Variants in FGD1 observed in about 807,000 individuals in gnomAD.
The protein encoded by FGD1 is FYVE, RhoGEF and PH domain-containing protein 1.
In FGD1, 12 loss-of-function variants were observed where a neutral mutation model predicts 65.0. The ratio of observed to expected loss-of-function variants is 0.18; its 90% CI spans 0.12 to 0.30. The LOEUF (loss-of-function observed/expected upper bound fraction) is 0.30. Among genes scored for constraint, FGD1 ranks in the 10% least tolerant of loss-of-function variants. FGD1 has a pLI of 1.00. For synonymous variants in FGD1, 333 were observed against 343.9 expected (o/e 0.97, Z 0.35); for missense variants, 542 against 837.6 (o/e 0.65, Z 4.36).
chrX:54,456,853 G>A (rs1002278629), intron 8 of FGD1, among the ~76,000 whole-genome samples: 9 of 110,345 alleles, frequency 8.2e-5, no homozygotes, highest in African/African-American at 3.0e-4. Flanking sequence ...GGCTGGTCTC[G>A]AACTCCTGAC....
chrX:54,469,656 A>G (rs1922837335), intron 4 of FGD1, among the ~76,000 whole-genome samples: 1 of 111,821 alleles, frequency 8.9e-6, no homozygotes, highest in African/African-American at 3.3e-5. Flanking sequence ...GCTGAGATCT[A>G]ACTCAAGTGC....
chrX:54,445,982 C>A lies in FGD1; in HGVS notation c.*127G>T. 1 of 494,211 alleles carries A rather than the reference C, an allele frequency of 2.0e-6. No individual in the cohort carries two copies. Among genetic ancestry groups the A allele is most frequent in the Non-Finnish European group, 3.4e-6 (1 of 295,124 alleles). The allele number at this position is 494,211 out of a possible 1,213,427, so 40.7% of individuals were successfully genotyped here. A position where few individuals can be genotyped will look rare whatever the true frequency, so the allele number is the denominator to read the frequency against. On this transcript the variant is annotated 3_prime_UTR_variant, in exon 18 of 18. Coordinates refer to ENST00000375135, the MANE Select transcript of FGD1 (RefSeq NM_004463.3). ...ATTAAAAAACCCAAGACCCAGCATT[C>A]GGGATTGAAAGTGCCCGTGATGGGA...
chrX:54,450,345 C>A (rs374958251), intron 12 of FGD1, 44 bp from the exon 13 acceptor site: 1 of 1,178,737 alleles, frequency 8.5e-7, no homozygotes, highest in South Asian at 1.8e-5. Context: ...GTTAGGTAGG[C>A]CCACAAAAAG....
chrX:54,488,593 C>T (rs1205515532), intron 1 of FGD1, among the ~76,000 whole-genome samples: 1 of 111,059 alleles, frequency 9.0e-6, no homozygotes, highest in Non-Finnish European at 1.9e-5. Flanking sequence ...TCAACAACAA[C>T]AACAAAACAA....
At chrX:54,457,841 G>T (rs1922539615) in intron 8 of FGD1, among the ~76,000 whole-genome samples, 1 of 109,506 alleles carries the variant, frequency 9.1e-6, no homozygotes, top group Admixed American at 9.8e-5. Context: ...AAGCTGAAAT[G>T]AGTCCCTGTA....
intron 1 of FGD1, among the ~76,000 whole-genome samples, chrX:54,492,244 G>A (rs1923426459): frequency 9.0e-6 from 1 of 111,677 alleles, no homozygotes; most frequent in Non-Finnish European, 1.9e-5. Context: ...AAAGCACTTT[G>A]AAGCAATTCA....
At position 54,489,745 on chromosome X, in the gene FGD1, T is replaced by C. The variant is rs1437608374; in HGVS notation, c.307+5381A>G. On this transcript the variant is annotated intron_variant, in intron 1 of 17. Coordinates refer to ENST00000375135, the MANE Select transcript of FGD1 (RefSeq NM_004463.3). ...TATACACTACTGGTGGGAATATAAA[T>C]TAGTTCAGCCATTGTGGAAAGCAGT... 2.7e-5 allele frequency among the ~76,000 whole-genome samples: 3 copies of C among 111,705 alleles called. No homozygotes were observed. In the East Asian group the frequency reaches 8.4e-4, roughly 31 times the overall value.
At chrX:54,460,459 T>A (rs1238097827) in intron 8 of FGD1, among the ~76,000 whole-genome samples, 1 of 86,148 alleles carries the variant, frequency 1.2e-5, no homozygotes, top group African/African-American at 4.5e-5. Context: ...AAAATAAAAA[T>A]AGGCTGGGTG....
At chrX:54,448,598 A>G (rs1042633255) in intron 16 of FGD1, among the ~76,000 whole-genome samples, 4 of 112,639 alleles carry the variant, frequency 3.6e-5, no homozygotes, top group African/African-American at 1.3e-4. Context: ...GAACAATAGC[A>G]TGGGCAGATT....
At chrX:54,492,780 T>C (rs988403788) in intron 1 of FGD1, among the ~76,000 whole-genome samples, 2 of 111,127 alleles carry the variant, frequency 1.8e-5, no homozygotes, top group East Asian at 5.6e-4. Context: ...AGACTCCTCA[T>C]TGCATTCTCT....
intron 8 of FGD1, among the ~76,000 whole-genome samples, chrX:54,464,004 C>T (rs188540921): frequency 4.5e-5 from 5 of 111,026 alleles, no homozygotes; most frequent in African/African-American, 1.6e-4. Flanking sequence ...CTCTGTCACC[C>T]AGGCTGGAGT....
At chrX:54,490,227 C>G (rs928529653) in intron 1 of FGD1, among the ~76,000 whole-genome samples, 1 of 111,273 alleles carries the variant, frequency 9.0e-6, no homozygotes, top group African/African-American at 3.3e-5. Context: ...AACTACCTAT[C>G]GGGTACTATG....
intron 1 of FGD1, 63 bp downstream of exon 1, chrX:54,495,063 G>A: frequency 1.8e-6 from 2 of 1,117,194 alleles, no homozygotes; most frequent in East Asian, 3.3e-5. Context: ...TCGAGAACAA[G>A]AACCCGCTCC....
intron 1 of FGD1, among the ~76,000 whole-genome samples, chrX:54,492,069 A>C (rs1923424267): frequency 9.0e-6 from 1 of 110,785 alleles, no homozygotes; most frequent in Non-Finnish European, 1.9e-5. Flanking sequence ...ATCTCTGCAA[A>C]CCCCTGCAAG....
chrX:54,482,051 T>C (rs1190914068), intron 1 of FGD1, among the ~76,000 whole-genome samples: 1 of 110,417 alleles, frequency 9.1e-6, no homozygotes, highest in African/African-American at 3.3e-5. Flanking sequence ...AACTCCCACA[T>C]ACTTAGGGCC....
intron 13 of FGD1, 53 bp downstream of exon 13, chrX:54,450,218 A>C: frequency 2.9e-5 from 32 of 1,118,918 alleles, no homozygotes; most frequent in Non-Finnish European, 3.7e-5. Context: ...ATCAACCCCT[A>C]GGAGACCTGT....
At chrX:54,488,026 G>A (rs1298261879) in intron 1 of FGD1, among the ~76,000 whole-genome samples, 14 of 108,099 alleles carry the variant, frequency 1.3e-4, no homozygotes, top group African/African-American at 4.4e-4. Flanking sequence ...AGCACTTTGG[G>A]AGGCCGAGGC....
chrX:54,479,677 T>G (rs1205772303), intron 1 of FGD1, among the ~76,000 whole-genome samples: 1 of 88,423 alleles, frequency 1.1e-5, no homozygotes, highest in African/African-American at 4.4e-5. Context: ...TTCCTGGGGG[T>G]GGGGTGGGGA....
At chrX:54,476,267 G>GC (rs1399747781) in intron 1 of FGD1, among the ~76,000 whole-genome samples, 1 of 109,124 alleles carries the variant, frequency 9.2e-6, no homozygotes, top group Non-Finnish European at 1.9e-5. Context: ...CCCAGGGTAG[G>GC]CCCCCCTCCT....
Sources: gnomAD v4.1 joint callset for allele counts (sites outside exome capture counted in the v4.1 genomes callset) on GRCh38, gnomAD v4.1.1 for gene constraint, MANE v1.5 for transcripts, NCBI Gene and HGNC (gene_info 2026-07-23, HGNC 2026-07-21) for gene names.